Variants in PHKA2 observed in about 807,000 individuals in gnomAD.
The protein encoded by PHKA2 is phosphorylase b kinase regulatory subunit alpha, liver isoform.
Under a neutral mutation model 102.0 loss-of-function variants are expected in PHKA2, and 31 were observed. The ratio of observed to expected loss-of-function variants is 0.30; its 90% CI spans 0.23 to 0.41. The LOEUF (loss-of-function observed/expected upper bound fraction) is 0.41, where lower values mean the gene tolerates loss of function less well. PHKA2 is among the 10% of genes least tolerant of loss of function. The probability of loss-of-function intolerance (pLI) is 1.00; values close to 1 mark genes in which losing one functional copy is unlikely to be tolerated. For synonymous variants in PHKA2, 455 were observed against 416.2 expected (o/e 1.09, Z -1.13); for missense variants, 858 against 1,023.1 (o/e 0.84, Z 2.20).
intron 13 of PHKA2, among the ~76,000 whole-genome samples, chrX:18,928,026 G>A (rs1013096813): frequency 2.7e-5 from 3 of 112,039 alleles, no homozygotes; most frequent in Non-Finnish European, 5.6e-5. Flanking sequence ...ACAAATGCTG[G>A]TCAACACCCA....
chrX:18,907,087 T>C lies in PHKA2; in HGVS notation c.2528A>G (p.Asp843Gly). 1 of 1,183,996 alleles carries C rather than the reference T, an allele frequency of 8.4e-7. No individual in the cohort carries two copies. The change falls in exon 23 of 33, where the codon GAC becomes GGC. Residue 843 changes from aspartate to glycine, a missense_variant. This residue lies in a region of PHKA2 where 671 missense variants were observed against 745.2 expected (regional missense o/e 0.90). Coordinates refer to ENST00000379942, the MANE Select transcript of PHKA2 (RefSeq NM_000292.3). Reference protein sequence around the residue: ...KVEVLAEACTDLLSHQKQLTV... With the variant: ...KVEVLAEACTGLLSHQKQLTV... ...GAGCTGCTTCTGGTGCGAAAGCAGGTCTGTGCAGGCCTGCGCAGTTAAGGG... is the reference window on the plus strand; with the variant it reads ...GAGCTGCTTCTGGTGCGAAAGCAGGCCTGTGCAGGCCTGCGCAGTTAAGGG...
intron 11 of PHKA2, among the ~76,000 whole-genome samples, chrX:18,935,155 A>G (rs112511593): frequency 0.066 from 7,426 of 112,238 alleles, 596 homozygotes; most frequent in African/African-American, 0.23. Context: ...AAAGCATCCA[A>G]GGGACAGCCA....
At chrX:18,945,392 TTTC>T (rs750216039) in intron 5 of PHKA2, among the ~76,000 whole-genome samples, 3 of 111,705 alleles carry the variant, frequency 2.7e-5, no homozygotes, top group Non-Finnish European at 5.6e-5. Flanking sequence ...CACTCTCAAA[TTTC>T]TTATTTCTTA....
chrX:18,895,190 C>T lies in PHKA2; in HGVS notation c.3284G>A (p.Cys1095Tyr). 1 of 1,209,636 alleles carries T rather than the reference C, an allele frequency of 8.3e-7. No individual in the cohort carries two copies. The highest frequency in any genetic ancestry group is 3.0e-5 in the East Asian group (1 of 33,814). The change falls in exon 31 of 33, where the codon TGC (cysteine) becomes TAC (tyrosine). Residue 1095 changes from cysteine to tyrosine, a missense_variant and splice_region_variant. Cys to Tyr is a radical substitution (Grantham distance 194). Transcript: ENST00000379942. ...ATAACCATCGATGGAGAGACCGTGG[C>T]ACTGGAGGCAGAATAGAGCGCATTT... ...YQRVWKILQK[C>Y]HGLSIDGYVL...
intron 30 of PHKA2, among the ~76,000 whole-genome samples, 166 bp downstream of exon 30, chrX:18,896,997 C>G (rs747024240): frequency 1.8e-5 from 2 of 111,965 alleles, no homozygotes; most frequent in Non-Finnish European, 3.8e-5. Context: ...CATCCTACCA[C>G]GCACAGGCCC....
intron 26 of PHKA2, 108 bp downstream of exon 26, chrX:18,905,650 G>C: frequency 1.7e-6 from 1 of 588,896 alleles, no homozygotes; most frequent in Non-Finnish European, 3.0e-6. Context: ...CCTTCAGGTA[G>C]GAGCCTTCTC....
chrX:18,942,232 C>CT (rs2048503737), intron 7 of PHKA2, among the ~76,000 whole-genome samples: 2 of 111,765 alleles, frequency 1.8e-5, no homozygotes, highest in Admixed American at 1.9e-4. Flanking sequence ...CTTAGAGGCA[C>CT]TATAATATGG....
At chrX:18,949,466 C>T (rs913504396) in intron 4 of PHKA2, among the ~76,000 whole-genome samples, 1 of 111,227 alleles carries the variant, frequency 9.0e-6, no homozygotes, top group Admixed American at 9.6e-5. Flanking sequence ...ATATGAGTTG[C>T]CTTTGAGTGA....
chrX:18,893,755 G>A, intron 32 of PHKA2, 100 bp from the exon 33 acceptor site: 2 of 797,247 alleles, frequency 2.5e-6, no homozygotes, highest in Non-Finnish European at 3.8e-6. Flanking sequence ...CAGGGGTGAG[G>A]GTTGCTCTAG....
At chrX:18,928,203 G>A (rs2048246675) in intron 13 of PHKA2, among the ~76,000 whole-genome samples, 1 of 111,637 alleles carries the variant, frequency 9.0e-6, no homozygotes, top group Non-Finnish European at 1.9e-5. Flanking sequence ...GGGTCCTTGA[G>A]GGAGTGGGTT....
chrX:18,964,331 T>C (rs2048909093), intron 1 of PHKA2, among the ~76,000 whole-genome samples: 1 of 112,029 alleles, frequency 8.9e-6, no homozygotes, highest in Non-Finnish European at 1.9e-5. Flanking sequence ...TTTGGTTCCC[T>C]TTCCTTCACT....
At chrX:18,924,569 C>T in intron 15 of PHKA2, 44 bp from the exon 16 acceptor site, 1 of 1,162,028 alleles carries the variant, frequency 8.6e-7, no homozygotes, top group Non-Finnish European at 1.2e-6. Context: ...CCTTTCTTTA[C>T]CTGGAAACAC....
rs144570979 is a variant in PHKA2, at chrX:18,901,556, C to G, written c.2956G>C (p.Glu986Gln). Residue 986 changes from glutamate to glutamine, a missense_variant, in exon 27 of 33, where the codon GAG (glutamate) becomes CAG (glutamine). Transcript: ENST00000379942. ...TTGGTGACTCCGGTATGGCCCACCTCGTGGATGGAGATGGTAGGGCTGGAT... is the reference window on the plus strand; with the variant it reads ...TTGGTGACTCCGGTATGGCCCACCTGGTGGATGGAGATGGTAGGGCTGGAT... Reference protein sequence around the residue: ...STSSPTISIHEVGHTGVTKTE... With the variant: ...STSSPTISIHQVGHTGVTKTE... The G allele has an allele frequency of 8.3e-7, 1 of 1,208,784 alleles. No homozygotes were observed. Among genetic ancestry groups the G allele is most frequent in the Non-Finnish European group, 1.1e-6 (1 of 892,924 alleles).
In PHKA2 at chrX:18,894,822, T is replaced by C. The variant is rs1023095690; in HGVS notation, c.3336+316A>G. The C allele has an allele frequency of 1.5e-5, 6 of 403,809 alleles. No individual in the cohort carries two copies. In the African/African-American group the frequency reaches 1.5e-4, roughly 10 times the overall value. 33.3% of individuals were successfully genotyped at this position (403,809 alleles called of 1,213,427 possible). Reference sequence around the variant, plus strand: ...AGTTGGAGAAAAGGGCCGAGAAGGCTGCCCATGGGGCAGGCCAGGGTGGCA... The same window carrying C: ...AGTTGGAGAAAAGGGCCGAGAAGGCCGCCCATGGGGCAGGCCAGGGTGGCA... On this transcript the variant is annotated intron_variant, in intron 31 of 32. Transcript: ENST00000379942.
rs377145370 is a variant in PHKA2 at position 18,900,361 on chromosome X, C to A, written c.3057+309G>T. Among the ~76,000 whole-genome samples, 46 of 111,436 alleles carry A rather than the reference C, an allele frequency of 4.1e-4. 1 individual carries two copies. The highest frequency in any genetic ancestry group is 1.5e-3 in the African/African-American group (46 of 30,656). ...ACTGATATAACCAATGACCGCATTT[C>A]CCCCCCATTTAGTTTTCTATTTAGT... is the stretch of plus-strand genomic sequence containing the variant. On this transcript the variant is annotated intron_variant, in intron 28 of 32. Transcript: ENST00000379942.
At chrX:18,953,330 G>A (rs1353320463) in intron 2 of PHKA2, among the ~76,000 whole-genome samples, 1 of 111,821 alleles carries the variant, frequency 8.9e-6, no homozygotes, top group Non-Finnish European at 1.9e-5. Context: ...AACAATAAAA[G>A]GACTTCATTG....
intron 1 of PHKA2, among the ~76,000 whole-genome samples, chrX:18,968,282 AGT>A (rs995441406): frequency 1.8e-5 from 2 of 111,960 alleles, no homozygotes; most frequent in East Asian, 5.6e-4. Flanking sequence ...GAAGAATGGC[AGT>A]GATTAACATT....
In PHKA2 at chrX:18,936,266, G is replaced by A. The variant is rs12862285; in HGVS notation, c.1042-116C>T. ...CAACAGATTAGAGTTCAGACACAGG[G>A]CAAAGAAATGCACAAATACCCTCAG... On this transcript the variant is annotated intron_variant, in intron 10 of 32. Coordinates refer to ENST00000379942, the MANE Select transcript of PHKA2 (RefSeq NM_000292.3). 101,515 of 522,354 alleles carry A rather than the reference G, an allele frequency of 0.19. 7,210 individuals are homozygous for A. The highest frequency in any genetic ancestry group is 0.28 in the South Asian group (10,991 of 39,167). 43.0% of individuals were successfully genotyped at this position (522,354 alleles called of 1,213,427 possible).
At chrX:18,954,012 C>T (rs887648815) in intron 2 of PHKA2, among the ~76,000 whole-genome samples, 1 of 111,076 alleles carries the variant, frequency 9.0e-6, no homozygotes, top group African/African-American at 3.3e-5. Context: ...TGGTTGCTTT[C>T]ATTTTCTATT....
Sources: allele counts gnomAD v4.1 joint callset (sites outside exome capture counted in the v4.1 genomes callset), GRCh38; gene constraint gnomAD v4.1.1; regional missense constraint gnomAD v4.1.1; transcripts MANE v1.5; gene names NCBI Gene and HGNC (gene_info 2026-07-23, HGNC 2026-07-21).